SLC22A3: variants seen among roughly 807,000 people sequenced by gnomAD.
SLC22A3 encodes the protein solute carrier family 22 member 3.
SLC22A3 carries 51 observed loss-of-function variants against 59.1 expected under a neutral mutation model. The observed-to-expected ratio is 0.86, with a 90% CI of 0.69 to 1.09. The LOEUF (loss-of-function observed/expected upper bound fraction) is 1.09. Ranked by LOEUF, SLC22A3 falls within the 50% of genes least tolerant of loss-of-function variation. The pLI is 0.00. For missense variants in SLC22A3, 711 were observed against 726.3 expected, an observed-to-expected ratio of 0.98 and a Z score of 0.24; for synonymous variants, 325 against 292.0, an observed-to-expected ratio of 1.11 and a Z score of -1.15.
intron 1 of SLC22A3, among the ~76,000 whole-genome samples, chr6:160,356,294 G>A (rs1204466899): frequency 6.6e-6 from 1 of 152,194 alleles, no homozygotes; most frequent in Non-Finnish European, 1.5e-5. Flanking sequence ...TGGAGCAGGA[G>A]GAAAACAGGC....
chr6:160,381,025 G>A (rs182934183), intron 1 of SLC22A3, among the ~76,000 whole-genome samples: 169 of 152,266 alleles, frequency 1.1e-3, no homozygotes, highest in South Asian at 8.3e-4. Flanking sequence ...GAAGGTGACA[G>A]GATTTGAAAA....
chr6:160,395,251 G>C (rs1786425010), intron 1 of SLC22A3, among the ~76,000 whole-genome samples: 1 of 152,112 alleles, frequency 6.6e-6, no homozygotes, highest in African/African-American at 2.4e-5. Context: ...ATATTTTATG[G>C]GTTTAAAGAA....
chr6:160,434,065 G>C (rs760172373), intron 5 of SLC22A3, among the ~76,000 whole-genome samples: 1 of 152,158 alleles, frequency 6.6e-6, no homozygotes, highest in Admixed American at 6.5e-5. Context: ...GACACTGCCC[G>C]GCAGCCCCAA....
At chr6:160,383,836 C>T (rs1238357493) in intron 1 of SLC22A3, among the ~76,000 whole-genome samples, 1 of 152,078 alleles carries the variant, frequency 6.6e-6, no homozygotes, top group Non-Finnish European at 1.5e-5. Flanking sequence ...AGTATAACAA[C>T]TATTTACATA....
intron 5 of SLC22A3, among the ~76,000 whole-genome samples, chr6:160,421,071 C>T (rs544080505): frequency 9.8e-5 from 15 of 152,302 alleles, no homozygotes; most frequent in African/African-American, 3.4e-4. Context: ...CCTCAGAAGG[C>T]AGGTTTCTGT....
intron 7 of SLC22A3, among the ~76,000 whole-genome samples, chr6:160,439,400 G>A (rs907369783): frequency 1.3e-5 from 2 of 151,996 alleles, no homozygotes; most frequent in African/African-American, 2.4e-5. Context: ...GCATGCTTCG[G>A]TGTGTCCCCT....
chr6:160,447,250 C>A (rs1005082991), intron 9 of SLC22A3, among the ~76,000 whole-genome samples: 3 of 152,076 alleles, frequency 2.0e-5, no homozygotes, highest in African/African-American at 7.2e-5. Flanking sequence ...AGTGAGGAGC[C>A]CAAAGAGACA....
At chr6:160,383,574 A>G (rs1785877032) in intron 1 of SLC22A3, among the ~76,000 whole-genome samples, 1 of 152,168 alleles carries the variant, frequency 6.6e-6, no homozygotes, top group Non-Finnish European at 1.5e-5. Flanking sequence ...ATAGTTTTAT[A>G]TATTTTTTAA....
At chr6:160,372,815 C>T (rs1479830750) in intron 1 of SLC22A3, among the ~76,000 whole-genome samples, 1 of 152,126 alleles carries the variant, frequency 6.6e-6, no homozygotes, top group Non-Finnish European at 1.5e-5. Flanking sequence ...GTATGCTTCA[C>T]AAAGTTCTCA....
At chr6:160,369,060 C>T (rs1171599473) in intron 1 of SLC22A3, among the ~76,000 whole-genome samples, 1 of 152,228 alleles carries the variant, frequency 6.6e-6, no homozygotes, top group African/African-American at 2.4e-5. Flanking sequence ...TTTAGGTCAA[C>T]TATCATGTAT....
At chr6:160,372,771 C>T (rs923197630) in intron 1 of SLC22A3, among the ~76,000 whole-genome samples, 8 of 152,002 alleles carry the variant, frequency 5.3e-5, no homozygotes, top group Non-Finnish European at 1.0e-4. Context: ...GATATCTTTT[C>T]TTCTGGTTGA....
chr6:160,438,578 G>C (rs1429582455), intron 7 of SLC22A3, among the ~76,000 whole-genome samples: 1 of 99,494 alleles, frequency 1.0e-5, no homozygotes, highest in Non-Finnish European at 1.9e-5. Flanking sequence ...CCAATATTCG[G>C]AACACACACA....
At chr6:160,400,084 AT>A (rs760874011) in intron 2 of SLC22A3, among the ~76,000 whole-genome samples, 14,280 of 95,312 alleles carry the variant, frequency 0.15, 773 homozygotes, top group East Asian at 0.23. Flanking sequence ...AGCTTTTGTG[AT>A]TTTTTTTTTT....
chr6:160,359,433 C>A (rs755792146), intron 1 of SLC22A3, among the ~76,000 whole-genome samples: 1 of 152,164 alleles, frequency 6.6e-6, no homozygotes, highest in Non-Finnish European at 1.5e-5. Context: ...ATACTCACTT[C>A]CTGCTTAGAA....
At chr6:160,407,307 C>A in intron 3 of SLC22A3, 112 bp downstream of exon 3, 1 of 1,096,402 alleles carries the variant, frequency 9.1e-7, no homozygotes, top group Non-Finnish European at 1.3e-6. Flanking sequence ...AAGGAGGTTT[C>A]ACTGCAGCTA....
At chr6:160,380,060 A>C (rs1785739789) in intron 1 of SLC22A3, among the ~76,000 whole-genome samples, 1 of 152,198 alleles carries the variant, frequency 6.6e-6, no homozygotes, top group Non-Finnish European at 1.5e-5. Context: ...TTGTGGAGAA[A>C]ATAATGGATA....
chr6:160,366,142 A>G (rs1272070781), intron 1 of SLC22A3, among the ~76,000 whole-genome samples: 5 of 152,094 alleles, frequency 3.3e-5, no homozygotes, highest in Non-Finnish European at 5.9e-5. Context: ...TCAAAACACA[A>G]TCATGCCTTC....
intron 1 of SLC22A3, among the ~76,000 whole-genome samples, chr6:160,383,573 T>G (rs1429156084): frequency 6.6e-6 from 1 of 152,194 alleles, no homozygotes; most frequent in Non-Finnish European, 1.5e-5. Context: ...TATAGTTTTA[T>G]ATATTTTTTA....
chr6:160,414,393 T>A (rs528494729), intron 5 of SLC22A3, among the ~76,000 whole-genome samples: 1 of 152,318 alleles, frequency 6.6e-6, no homozygotes, highest in East Asian at 1.9e-4. Context: ...TATGCATCAT[T>A]TTTTCTTTTC....
Sources: gnomAD v4.1 joint callset for allele counts (sites outside exome capture counted in the v4.1 genomes callset) on GRCh38, gnomAD v4.1.1 for gene constraint, MANE v1.5 for transcripts, NCBI Gene and HGNC (gene_info 2026-07-23, HGNC 2026-07-21) for gene names.